FAM220A: variants seen among roughly 807,000 people sequenced by gnomAD.
The protein encoded by FAM220A is family with sequence similarity 220 member A, also known as protein FAM220A.
For missense variants in FAM220A, 392 were observed against 321.6 expected (o/e 1.22, Z -1.68); for synonymous variants, 141 against 130.7 (o/e 1.08, Z -0.54).
intron 1 of FAM220A, among the ~76,000 whole-genome samples, chr7:6,347,493 G>C (rs896540676): frequency 6.6e-6 from 1 of 151,576 alleles, no homozygotes; most frequent in Non-Finnish European, 1.5e-5. Flanking sequence ...TCCAGCTTGG[G>C]CAAGAGTAAG....
Position 6,330,404 on chromosome 7 carries a change from C to G in FAM220A, c.751G>C (p.Glu251Gln). ...TLGLLALQPF[E>Q]LANTLCHS Reference sequence around the variant, plus strand: ...CTATGGCATAATGTATTTGCTAATTCAAAAGGTTGCAGAGCCAGTAACCCC... The same window carrying G: ...CTATGGCATAATGTATTTGCTAATTGAAAAGGTTGCAGAGCCAGTAACCCC... Residue 251 changes from glutamate (E) to glutamine (Q), a missense_variant, in exon 2 of 2, where the codon GAA (glutamate) becomes CAA (glutamine). Physicochemically the swap from Glu to Gln is conservative, Grantham distance 29 (BLOSUM62 2). Coordinates refer to ENST00000313324, the MANE Select transcript of FAM220A (RefSeq NM_001037163.2). The G allele has an allele frequency of 1.9e-6, 3 of 1,613,456 alleles. No individual in the cohort carries two copies. The highest frequency in any genetic ancestry group is 2.5e-6 in the Non-Finnish European group (3 of 1,179,890).
rs201109194 is a variant in FAM220A, at chr7:6,342,881, G to GA, written c.-82+5691dup. On this transcript the variant is annotated intron_variant, in intron 1 of 1. Transcript: ENST00000313324. ...GTGAGACCCCATCTAGAAACAAAAT[G>GA]AAAAAATCAACCAGGCATGGTGGCA... Among the ~76,000 whole-genome samples the GA allele has an allele frequency of 8.0e-3, 1,214 of 151,558 alleles. 12 individuals are homozygous for GA. The highest frequency in any genetic ancestry group is 0.053 in the East Asian group (273 of 5,124).
At chr7:6,331,919 T>C (rs1781643999) in intron 1 of FAM220A, among the ~76,000 whole-genome samples, 1 of 151,898 alleles carries the variant, frequency 6.6e-6, no homozygotes, top group Non-Finnish European at 1.5e-5. Flanking sequence ...TCATTTTTTG[T>C]ATTTTTAGTA....
At chr7:6,338,883 A>C (rs182670890) in intron 1 of FAM220A, among the ~76,000 whole-genome samples, 1 of 152,330 alleles carries the variant, frequency 6.6e-6, no homozygotes, top group Admixed American at 6.5e-5. Context: ...TAAAACCAGC[A>C]GGGCCGCGGT....
intron 1 of FAM220A, among the ~76,000 whole-genome samples, chr7:6,336,682 CA>C (rs35524069): frequency 0.33 from 40,286 of 122,810 alleles, 5,395 homozygotes; most frequent in East Asian, 0.42. Flanking sequence ...AGACTTTGTC[CA>C]AAAAAAAAAA....
At position 6,348,908 on chromosome 7, in the gene FAM220A, G is replaced by T. The variant is rs1018013184; in HGVS notation, c.-417C>A. On this transcript the variant is annotated 5_prime_UTR_variant, in exon 1 of 2. Transcript: ENST00000313324. The stretch of plus-strand genomic sequence containing the variant: ...GGCCGCAGTGGAGCGGAGTCCGCAC[G>T]TCACGCTCGGAGAAGTGCCTCCGCG... The T allele has an allele frequency of 2.6e-6, 1 of 385,426 alleles. No individual in the cohort carries two copies. Among genetic ancestry groups the T allele is most frequent in the African/African-American group, 2.1e-5 (1 of 47,972 alleles). 23.9% of individuals were successfully genotyped at this position (385,426 alleles called of 1,614,324 possible).
chr7:6,347,983 T>C (rs545084042), intron 1 of FAM220A, among the ~76,000 whole-genome samples: 1 of 151,150 alleles, frequency 6.6e-6, no homozygotes, highest in East Asian at 1.9e-4. Context: ...CGATCTCGGC[T>C]CACCGCAACC....
At chr7:6,342,966 G>C (rs754821343) in intron 1 of FAM220A, among the ~76,000 whole-genome samples, 3 of 151,816 alleles carry the variant, frequency 2.0e-5, no homozygotes, top group Non-Finnish European at 4.4e-5. Context: ...GAGTCCAGGA[G>C]CTGGAGGCTG....
At chr7:6,348,110 G>A (rs1218779508) in intron 1 of FAM220A, among the ~76,000 whole-genome samples, 1 of 151,034 alleles carries the variant, frequency 6.6e-6, no homozygotes, top group Non-Finnish European at 1.5e-5. Context: ...GGGTTTCTCC[G>A]TGTTGGTCAG....
chr7:6,348,232 AGG>A, intron 1 of FAM220A, among the ~76,000 whole-genome samples: 1 of 145,186 alleles, frequency 6.9e-6, no homozygotes, highest in Non-Finnish European at 1.5e-5. Flanking sequence ...ATTAAAAATA[AGG>A]GGGGGGGTTG....
chr7:6,335,533 G>A (rs900041592), intron 1 of FAM220A, among the ~76,000 whole-genome samples: 13 of 151,668 alleles, frequency 8.6e-5, no homozygotes, highest in South Asian at 8.3e-4. Context: ...CAGCCTAGCC[G>A]TTAATATGTG....
rs181664314 is a variant in FAM220A, at chr7:6,338,342, G to A, written c.-81-7107C>T. The stretch of plus-strand genomic sequence containing the variant: ...GTGTATACAAAATCAGCTCTTTTTG[G>A]CCTCCTCATGCCATGTTAATCCTAC... On this transcript the variant is annotated intron_variant, in intron 1 of 1. Transcript: ENST00000313324. Among the ~76,000 whole-genome samples the A allele has an allele frequency of 1.4e-3, 215 of 151,976 alleles. 2 individuals carry two copies. The highest frequency in any genetic ancestry group is 5.0e-3 in the African/African-American group (208 of 41,446).
chr7:6,330,593 G>A lies in FAM220A; in HGVS notation c.562C>T (p.Leu188=). The A allele has an allele frequency of 6.2e-7, 1 of 1,614,180 alleles. No homozygotes were observed. Among genetic ancestry groups the A allele is most frequent in the Non-Finnish European group, 8.5e-7 (1 of 1,180,036 alleles). ...AGCGTTGCAGACAGGATGGAGTGCA[G>A]GCAAGCGGGTTCCAACTCAGAGCCC... The part of the protein sequence containing the change: ...GLGSELEPAC[L]HSILSATLHV... The change falls in exon 2 of 2, where the codon CTG becomes TTG. Residue 188 remains leucine (L), a synonymous_variant. Transcript: ENST00000313324.
intron 1 of FAM220A, among the ~76,000 whole-genome samples, chr7:6,342,220 C>G (rs1209301663): frequency 6.6e-6 from 1 of 151,892 alleles, no homozygotes; most frequent in East Asian, 1.9e-4. Flanking sequence ...TTCTTACTTT[C>G]TCTTTCTCTC....
chr7:6,335,056 C>T (rs1224386335), intron 1 of FAM220A, among the ~76,000 whole-genome samples: 1 of 151,856 alleles, frequency 6.6e-6, no homozygotes, highest in Non-Finnish European at 1.5e-5. Flanking sequence ...TGTGAGCCAC[C>T]GCACCCAGCC....
At position 6,345,279 on chromosome 7, in the gene FAM220A, G is replaced by A. The variant is rs193193758; in HGVS notation, c.-82+3294C>T. ...ATTACAGGCACGCACCACGACACCC[G>A]GCTAATTTATTTTTTGTACAGACTG... On this transcript the variant is annotated intron_variant, in intron 1 of 1. Transcript: ENST00000313324. Among the ~76,000 whole-genome samples, 205 of 151,296 alleles carry A rather than the reference G, an allele frequency of 1.4e-3. 2 individuals carry two copies. Among genetic ancestry groups the A allele is most frequent in the African/African-American group, 4.5e-3 (186 of 41,204 alleles).
At chr7:6,335,943 C>T (rs113498702) in intron 1 of FAM220A, among the ~76,000 whole-genome samples, 16 of 152,086 alleles carry the variant, frequency 1.1e-4, no homozygotes, top group African/African-American at 2.9e-4. Flanking sequence ...GAGGCCAAGA[C>T]GGATGGATCA....
intron 1 of FAM220A, among the ~76,000 whole-genome samples, chr7:6,332,214 G>C (rs560847308): frequency 3.9e-5 from 6 of 152,038 alleles, no homozygotes; most frequent in African/African-American, 1.4e-4. Context: ...TAATTTTATA[G>C]GGACCAGCAC....
At chr7:6,342,511 C>T (rs1005644773) in intron 1 of FAM220A, among the ~76,000 whole-genome samples, 5 of 152,024 alleles carry the variant, frequency 3.3e-5, no homozygotes, top group Admixed American at 1.3e-4. Flanking sequence ...TGCACTGCAG[C>T]CTGGGTGACA....
Sources: allele counts gnomAD v4.1 joint callset (sites outside exome capture counted in the v4.1 genomes callset), GRCh38; gene constraint gnomAD v4.1.1; transcripts MANE v1.5; gene names NCBI Gene and HGNC (gene_info 2026-07-23, HGNC 2026-07-21).